MAP3K4: variants seen among roughly 807,000 people sequenced by gnomAD.
The protein encoded by MAP3K4 is MAP three kinase 1.
A neutral mutation model predicts 185.6 loss-of-function variants in MAP3K4; 67 were observed. The ratio of observed to expected loss-of-function variants is 0.36; its 90% confidence interval spans 0.30 to 0.44. The LOEUF (loss-of-function observed/expected upper bound fraction) is 0.44, where lower values mean the gene tolerates loss of function less well. MAP3K4 is among the 20% of genes least tolerant of loss of function. The probability of loss-of-function intolerance (pLI) is 1.00; values close to 1 mark genes in which losing one functional copy is unlikely to be tolerated. For synonymous variants in MAP3K4, 702 were observed against 710.4 expected, an observed-to-expected ratio of 0.99 and a Z score of 0.19; for missense variants, 1,551 against 1,995.1, an observed-to-expected ratio of 0.78 and a Z score of 4.24.
chr6:160,991,817 G>A lies in MAP3K4; in HGVS notation c.-115G>A. 8.3e-7 allele frequency: 1 copy of A among 1,203,344 alleles called. No individual in the cohort carries two copies. Among genetic ancestry groups the A allele is most frequent in the Non-Finnish European group, 1.1e-6 (1 of 926,870 alleles). The allele number at this position is 1,203,344 out of a possible 1,614,324, so 74.5% of individuals were successfully genotyped here. A position where few individuals can be genotyped will look rare whatever the true frequency, so the allele number is the denominator to read the frequency against. Reference sequence around the variant, plus strand: ...GATGGCCGCGGCGCGCACGGCTCCTGCGGCGGGGTAGAGGCGGAGGCGGAG... The same window carrying A: ...GATGGCCGCGGCGCGCACGGCTCCTACGGCGGGGTAGAGGCGGAGGCGGAG... On this transcript the variant is annotated 5_prime_UTR_variant, in exon 1 of 27. Transcript: ENST00000392142. This position sits in a 1 kb window ranked among gnomAD's most constrained non-coding sequence, Gnocchi z 5.7.
At position 161,077,013 on chromosome 6, in the gene MAP3K4, C is replaced by T. The variant is rs1369497352; in HGVS notation, c.2097+3401C>T. Among the ~76,000 whole-genome samples, 1 of 152,126 alleles carries T rather than the reference C, an allele frequency of 6.6e-6. No individual in the cohort carries two copies. Among genetic ancestry groups the T allele is most frequent in the African/African-American group, 2.4e-5 (1 of 41,418 alleles). On this transcript the variant is annotated intron_variant, in intron 5 of 26. Coordinates refer to ENST00000392142, the MANE Select transcript of MAP3K4 (RefSeq NM_005922.4). This position sits in a 1 kb window ranked among gnomAD's most constrained non-coding sequence, Gnocchi z 4.3. Reference sequence around the variant, plus strand: ...GATTCAACTTTTTGTGGAGGTCAGGCTTCTCTGAGGGGGGAGCATTGCAAC... The same window carrying T: ...GATTCAACTTTTTGTGGAGGTCAGGTTTCTCTGAGGGGGGAGCATTGCAAC...
chr6:161,021,010 T>C (rs1362034495), intron 1 of MAP3K4, among the ~76,000 whole-genome samples: 1 of 152,192 alleles, frequency 6.6e-6, no homozygotes, highest in Admixed American at 6.5e-5. Flanking sequence ...GGAGGTTTTA[T>C]TTTTTCTTCT....
In MAP3K4 at chr6:161,056,554, C is replaced by T. The variant is rs1784243497; in HGVS notation, c.1707+6575C>T. 6.6e-6 allele frequency among the ~76,000 whole-genome samples: 1 copy of T among 152,176 alleles called. No individual in the cohort carries two copies. The highest frequency in any genetic ancestry group is 2.4e-5 in the African/African-American group (1 of 41,452). ...ACTTACTTCTCTTATAGTGAGAAAC[C>T]TGGCTACCATTACTACAATTAATTA... On this transcript the variant is annotated intron_variant, in intron 3 of 26. Transcript: ENST00000392142. This position sits in a 1 kb window ranked among gnomAD's most constrained non-coding sequence, Gnocchi z 5.4.
In MAP3K4 at chr6:161,076,290, G is replaced by A. The variant is rs913428733; in HGVS notation, c.2097+2678G>A. On this transcript the variant is annotated intron_variant, in intron 5 of 26. Coordinates refer to ENST00000392142, the MANE Select transcript of MAP3K4 (RefSeq NM_005922.4). This position sits in a 1 kb window ranked among gnomAD's most constrained non-coding sequence, Gnocchi z 4.2. ...TCTGTTGTTGACTGAAGAGCTGCCC[G>A]ACAGAAGGAGCGCGAGCTATACCGC... 6.6e-6 allele frequency among the ~76,000 whole-genome samples: 1 copy of A among 152,170 alleles called. No homozygotes were observed. The highest frequency in any genetic ancestry group is 2.4e-5 in the African/African-American group (1 of 41,434).
intron 15 of MAP3K4, among the ~76,000 whole-genome samples, chr6:161,094,263 C>G (rs1777472148): frequency 6.6e-6 from 1 of 152,222 alleles, no homozygotes; most frequent in Non-Finnish European, 1.5e-5. Flanking sequence ...TTGAGGAGAG[C>G]AGTGTCCATT....
Position 161,086,540 on chromosome 6 carries a change from T to G in MAP3K4, c.2473-44T>G. ...CTTGTTTTTCTTTTATCTTATTTTT[T>G]TAATGCTAACCGTAAAGAAGTTTCT... On this transcript the variant is annotated intron_variant, in intron 8 of 26. Transcript: ENST00000392142. The surrounding 1 kb of genome is among the most constrained non-coding windows in gnomAD (Gnocchi z 4.8). 3 of 1,603,106 alleles carry G rather than the reference T, an allele frequency of 1.9e-6. No homozygotes were observed.
chr6:161,106,775 G>T lies in MAP3K4; in HGVS notation c.4048+70G>T. ...AGTAGCAATAGTTATACTTCTTTAG[G>T]TTGAATCCTATAGAGTTGGCCCTTT... On this transcript the variant is annotated intron_variant, in intron 20 of 26. Transcript: ENST00000392142. This position sits in a 1 kb window ranked among gnomAD's most constrained non-coding sequence, Gnocchi z 4.9. The T allele has an allele frequency of 7.5e-7, 1 of 1,332,434 alleles. No homozygotes were observed. Among genetic ancestry groups the T allele is most frequent in the Non-Finnish European group, 1.0e-6 (1 of 968,800 alleles). The allele number at this position is 1,332,434 out of a possible 1,614,324, so 82.5% of individuals were successfully genotyped here. A position where few individuals can be genotyped will look rare whatever the true frequency, so the allele number is the denominator to read the frequency against.
chr6:161,036,754 T>C (rs1052503304), intron 2 of MAP3K4, among the ~76,000 whole-genome samples: 1 of 152,204 alleles, frequency 6.6e-6, no homozygotes, highest in African/African-American at 2.4e-5. Context: ...GGTGTTGGTC[T>C]TATATAATAC....
intron 3 of MAP3K4, among the ~76,000 whole-genome samples, chr6:161,062,770 A>G (rs1784538171): frequency 6.6e-6 from 1 of 152,174 alleles, no homozygotes; most frequent in Non-Finnish European, 1.5e-5. Flanking sequence ...CTGAATACCT[A>G]AAGGATTTTT....
At chr6:161,069,354 G>A (rs2114810960) in intron 3 of MAP3K4, among the ~76,000 whole-genome samples, 1 of 152,296 alleles carries the variant, frequency 6.6e-6, no homozygotes, top group Admixed American at 6.5e-5. Context: ...ATCATGAGGT[G>A]AACCTTGAAA....
In MAP3K4 at chr6:161,073,221, G is replaced by T. The variant is rs955465994; in HGVS notation, c.1951-245G>T. Reference sequence around the variant, plus strand: ...TAGCAAAGCAGTAATTGCCTATATGGTATTTTCTCTGTGTATCCATGCTGT... The same window carrying T: ...TAGCAAAGCAGTAATTGCCTATATGTTATTTTCTCTGTGTATCCATGCTGT... On this transcript the variant is annotated intron_variant, in intron 4 of 26. Coordinates refer to ENST00000392142, the MANE Select transcript of MAP3K4 (RefSeq NM_005922.4). This position sits in a 1 kb window ranked among gnomAD's most constrained non-coding sequence, Gnocchi z 4.2. 6 of 330,646 alleles carry T rather than the reference G, an allele frequency of 1.8e-5. No individual in the cohort carries two copies. The highest frequency in any genetic ancestry group is 1.1e-4 in the African/African-American group (5 of 47,068). 20.5% of individuals were successfully genotyped at this position (330,646 alleles called of 1,614,324 possible). A position where few individuals can be genotyped will look rare whatever the true frequency, so the allele number is the denominator to read the frequency against.
At chr6:161,027,515 G>A (rs375449436) in intron 1 of MAP3K4, among the ~76,000 whole-genome samples, 4 of 152,088 alleles carry the variant, frequency 2.6e-5, no homozygotes, top group African/African-American at 7.2e-5. Flanking sequence ...CAGAAAAATC[G>A]CTCTACAAAA....
chr6:161,047,292 T>C (rs997227536), intron 2 of MAP3K4, among the ~76,000 whole-genome samples: 2 of 149,866 alleles, frequency 1.3e-5, no homozygotes, highest in African/African-American at 4.9e-5. Context: ...AAAAAAAAAT[T>C]AGCTGGGTGT....
At chr6:161,062,051 T>G (rs1019770917) in intron 3 of MAP3K4, among the ~76,000 whole-genome samples, 1 of 152,210 alleles carries the variant, frequency 6.6e-6, no homozygotes, top group African/African-American at 2.4e-5. Context: ...TTTGGAAGTA[T>G]GTAGTTTTGT....
chr6:161,023,197 C>CT (rs1335880144), intron 1 of MAP3K4, among the ~76,000 whole-genome samples: 1 of 151,986 alleles, frequency 6.6e-6, no homozygotes, highest in Non-Finnish European at 1.5e-5. Context: ...TATTATTTTC[C>CT]TTTTTTTAAA....
rs1777928381 is a variant in MAP3K4 at position 161,103,677 on chromosome 6, G to A, written c.3856+898G>A. 6.6e-6 allele frequency among the ~76,000 whole-genome samples: 1 copy of A among 152,212 alleles called. No individual in the cohort carries two copies. The highest frequency in any genetic ancestry group is 1.5e-5 in the Non-Finnish European group (1 of 68,038). On this transcript the variant is annotated intron_variant, in intron 19 of 26. Transcript: ENST00000392142. The surrounding 1 kb of genome is among the most constrained non-coding windows in gnomAD (Gnocchi z 4.6). ...CCCAGAGGTGGTGGGCAGCCCCAGA[G>A]GCTCTTGAGCAGCTGGTGTGTTTGG... is the stretch of plus-strand genomic sequence containing the variant.
In MAP3K4 at chr6:161,086,774, A is replaced by AG; in HGVS notation, c.2556+107_2556+108insG. ...CAGATAGTAAATATTACAGGCTCTG[A>AG]AGGCTGTACCACAACCCCAGTTGTA... On this transcript the variant is annotated intron_variant, in intron 9 of 26. Coordinates refer to ENST00000392142, the MANE Select transcript of MAP3K4 (RefSeq NM_005922.4). This position sits in a 1 kb window ranked among gnomAD's most constrained non-coding sequence, Gnocchi z 4.8. The AG allele has an allele frequency of 2.5e-6, 2 of 808,172 alleles. No homozygotes were observed. The highest frequency in any genetic ancestry group is 3.9e-6 in the Non-Finnish European group (2 of 509,152). The allele number at this position is 808,172 out of a possible 1,614,324, so 50.1% of individuals were successfully genotyped here.
rs969365191 is a variant in MAP3K4, at chr6:161,037,545, A to G, written c.343+3096A>G. On this transcript the variant is annotated intron_variant, in intron 2 of 26. Transcript: ENST00000392142. The surrounding 1 kb of genome is among the most constrained non-coding windows in gnomAD (Gnocchi z 4.2). ...GCAATTCTCCTGCCTCACCCTCCCGAGTAGCTAGGACTACAGGCATGCGCC... is the reference window on the plus strand; with the variant it reads ...GCAATTCTCCTGCCTCACCCTCCCGGGTAGCTAGGACTACAGGCATGCGCC... Among the ~76,000 whole-genome samples the G allele has an allele frequency of 1.3e-5, 2 of 152,080 alleles. No homozygotes were observed. The highest frequency in any genetic ancestry group is 4.8e-5 in the African/African-American group (2 of 41,408).
chr6:161,005,928 C>T (rs1447214092), intron 1 of MAP3K4, among the ~76,000 whole-genome samples: 1 of 152,142 alleles, frequency 6.6e-6, no homozygotes, highest in African/African-American at 2.4e-5. Flanking sequence ...GCTGGGATTA[C>T]AGGTGCCCGC....
Sources: allele counts gnomAD v4.1 joint callset (sites outside exome capture counted in the v4.1 genomes callset), GRCh38; gene constraint gnomAD v4.1.1; non-coding constraint Gnocchi (gnomAD v3.1); transcripts MANE v1.5; gene names NCBI Gene and HGNC (gene_info 2026-07-23, HGNC 2026-07-21).